The following STX8 variants were observed in gnomAD, a reference collection of about 807,000 sequenced individuals.
The protein encoded by STX8 is syntaxin-8.
In STX8, 23 loss-of-function variants were observed where a neutral mutation model predicts 37.5. The ratio of observed to expected loss-of-function variants is 0.61; its 90% CI spans 0.44 to 0.87. STX8 has a LOEUF of 0.87. Among genes scored for constraint, STX8 ranks in the 40% least tolerant of loss-of-function variants. STX8 has a pLI of 0.00. For missense variants in STX8, 313 were observed against 284.7 expected (o/e 1.10, Z -0.71); for synonymous variants, 115 against 99.1 (o/e 1.16, Z -0.95).
chr17:9,479,169 C>T (rs1418869301), intron 6 of STX8, among the ~76,000 whole-genome samples: 3 of 152,026 alleles, frequency 2.0e-5, no homozygotes, highest in African/African-American at 7.3e-5. Flanking sequence ...CCAAAAGTGG[C>T]TAAACTCTCT....
intron 7 of STX8, among the ~76,000 whole-genome samples, chr17:9,360,755 G>A (rs1314126342): frequency 4.0e-5 from 6 of 151,320 alleles, no homozygotes; most frequent in Admixed American, 2.0e-4. Flanking sequence ...GGGCTGTTTC[G>A]AGCGTGAATC....
chr17:9,329,681 G>A (rs769272251), intron 7 of STX8, among the ~76,000 whole-genome samples: 12 of 152,360 alleles, frequency 7.9e-5, no homozygotes, highest in Non-Finnish European at 1.6e-4. Flanking sequence ...CACTCAGGCC[G>A]TTGCAGCTGG....
At chr17:9,570,207 T>G (rs990699346) in intron 1 of STX8, among the ~76,000 whole-genome samples, 12 of 151,846 alleles carry the variant, frequency 7.9e-5, no homozygotes, top group African/African-American at 2.4e-4. Flanking sequence ...TGATAAGTGT[T>G]TTTTTTTAAA....
chr17:9,546,666 C>T (rs1470926994), intron 3 of STX8, among the ~76,000 whole-genome samples: 2 of 125,736 alleles, frequency 1.6e-5, no homozygotes, highest in Non-Finnish European at 3.1e-5. Flanking sequence ...GGCGCGATCT[C>T]GGCTCACTGC....
chr17:9,386,701 G>A lies in STX8; in HGVS notation c.542-8048C>T, dbSNP rs543880172. ...TTATAACATCCCTGGCAGTGGGATGGTTAATCTTTCACCAAACACTCCCAG... is the reference window on the plus strand; with the variant it reads ...TTATAACATCCCTGGCAGTGGGATGATTAATCTTTCACCAAACACTCCCAG... On this transcript the variant is annotated intron_variant, in intron 6 of 7. Coordinates refer to ENST00000306357, the MANE Select transcript of STX8 (RefSeq NM_004853.3). Among the ~76,000 whole-genome samples the A allele has an allele frequency of 2.0e-5, 3 of 152,238 alleles. No individual in the cohort carries two copies. In the South Asian group the frequency reaches 6.2e-4, roughly 32 times the overall value.
At chr17:9,449,255 C>G (rs995617459) in intron 6 of STX8, among the ~76,000 whole-genome samples, 1 of 152,174 alleles carries the variant, frequency 6.6e-6, no homozygotes, top group Non-Finnish European at 1.5e-5. Flanking sequence ...CAATGTCCTT[C>G]CACTGGTAAA....
chr17:9,372,779 AT>A (rs72485507), intron 7 of STX8, among the ~76,000 whole-genome samples: 92,888 of 109,572 alleles, frequency 0.85, 40,366 homozygotes, highest in East Asian at 0.95. Flanking sequence ...CCCAGCCCTC[AT>A]TTTTTTTTTT....
intron 2 of STX8, among the ~76,000 whole-genome samples, chr17:9,563,193 A>AC (rs1907317661): frequency 6.7e-6 from 1 of 149,398 alleles, no homozygotes; most frequent in African/African-American, 2.5e-5. Flanking sequence ...TTATTTATTT[A>AC]TTTATTGAGA....
intron 6 of STX8, among the ~76,000 whole-genome samples, chr17:9,490,758 T>C (rs765555951): frequency 1.8e-4 from 28 of 152,204 alleles, no homozygotes; most frequent in East Asian, 1.9e-4. Flanking sequence ...CTTCCTACTT[T>C]GTCTTCTTTA....
At chr17:9,307,559 G>C (rs1239678641) in intron 7 of STX8, among the ~76,000 whole-genome samples, 1 of 152,116 alleles carries the variant, frequency 6.6e-6, no homozygotes, top group African/African-American at 2.4e-5. Context: ...TGTCTGCTGT[G>C]ATCTCCTACT....
intron 6 of STX8, among the ~76,000 whole-genome samples, chr17:9,430,124 TAAATATAAAATATATATAATTTATATATA>T (rs1204425795): frequency 1.1e-5 from 1 of 92,442 alleles, no homozygotes; most frequent in Non-Finnish European, 2.0e-5. Flanking sequence ...TAAATAAATA[TAAATATAAAATATATATAATTTATATATA>T]AAATATAAAA....
rs574370598 is a variant in STX8 at position 9,303,981 on chromosome 17, AATC to A, written c.644-53339_644-53337del. Among the ~76,000 whole-genome samples, 8 of 151,740 alleles carry A rather than the reference AATC, an allele frequency of 5.3e-5. No individual in the cohort carries two copies. The South Asian group carries it at 1.7e-3, about 31-fold the overall frequency. ...TAGAAACTTTTCATGACAAAAAAAA[AATC>A]ATCATAAGCAATGTCAAAGGCCAAA... On this transcript the variant is annotated intron_variant, in intron 7 of 7. Transcript: ENST00000306357.
intron 7 of STX8, among the ~76,000 whole-genome samples, chr17:9,351,100 T>C (rs868130591): frequency 3.3e-5 from 5 of 151,720 alleles, no homozygotes; most frequent in South Asian, 2.1e-4. Flanking sequence ...TATAGGCCAA[T>C]GTTAAATGGT....
At chr17:9,361,942 G>A (rs12944805) in intron 7 of STX8, among the ~76,000 whole-genome samples, 43,239 of 152,172 alleles carry the variant, frequency 0.28, 6,641 homozygotes, top group Middle Eastern at 0.36. Flanking sequence ...TATAGTTACA[G>A]TTTTAAAGAA....
rs530831387 is a variant in STX8, at chr17:9,567,778, C to G, written c.117+593G>C. Among the ~76,000 whole-genome samples the G allele has an allele frequency of 2.2e-4, 34 of 152,300 alleles. No homozygotes were observed. The Middle Eastern group carries it at 0.014, about 61-fold the overall frequency. On this transcript the variant is annotated intron_variant, in intron 2 of 7. Transcript: ENST00000306357. ...CTTAGCTCACTGCAGCCTCCACCTC[C>G]CAGGTTCAAGCAATTCTCCTGCCTC...
chr17:9,384,794 T>TTGTGTGTGTGTGTG (rs59655296), intron 6 of STX8, among the ~76,000 whole-genome samples: 2,562 of 147,672 alleles, frequency 0.017, 40 homozygotes, highest in East Asian at 0.035. Context: ...CCAGATAGAC[T>TTGTGTGTGTGTGTG]TGTGTGTGTG....
At chr17:9,529,799 T>C (rs1905740836) in intron 4 of STX8, among the ~76,000 whole-genome samples, 1 of 152,164 alleles carries the variant, frequency 6.6e-6, no homozygotes, top group Non-Finnish European at 1.5e-5. Context: ...ACTATAGATG[T>C]TCATTGGATT....
chr17:9,558,499 G>C (rs1907070230), intron 2 of STX8, among the ~76,000 whole-genome samples: 1 of 152,182 alleles, frequency 6.6e-6, no homozygotes, highest in African/African-American at 2.4e-5. Context: ...CACCTACAAT[G>C]TTGTGGGGAA....
At chr17:9,539,361 G>C (rs150210338) in intron 4 of STX8, among the ~76,000 whole-genome samples, 1 of 152,284 alleles carries the variant, frequency 6.6e-6, no homozygotes, top group Non-Finnish European at 1.5e-5. Context: ...GAGGGAAACA[G>C]AGGTAGGGGC....
Sources: gnomAD v4.1 joint callset for allele counts (sites outside exome capture counted in the v4.1 genomes callset) on GRCh38, gnomAD v4.1.1 for gene constraint, MANE v1.5 for transcripts, NCBI Gene and HGNC (gene_info 2026-07-23, HGNC 2026-07-21) for gene names.